Variants in ROR1 observed in about 807,000 individuals in gnomAD.
ROR1 encodes inactive tyrosine-protein kinase transmembrane receptor ROR1.
A neutral mutation model predicts 78.8 loss-of-function variants in ROR1; 19 were observed. The observed-to-expected ratio is 0.24, with a 90% confidence interval of 0.17 to 0.35. ROR1 has a LOEUF of 0.35. Ranked by LOEUF, ROR1 falls within the 10% of genes least tolerant of loss-of-function variation. The pLI is 1.00. For missense variants in ROR1, 917 were observed against 1,177.8 expected, an observed-to-expected ratio of 0.78 and a Z score of 3.24; for synonymous variants, 386 against 433.6, an observed-to-expected ratio of 0.89 and a Z score of 1.36.
intron 1 of ROR1, among the ~76,000 whole-genome samples, chr1:63,971,686 T>G (rs1265729834): frequency 6.6e-6 from 1 of 152,202 alleles, no homozygotes; most frequent in African/African-American, 2.4e-5. Flanking sequence ...TTTAAAGCCC[T>G]TCATTGTCTA....
chr1:63,879,884 AT>A (rs1381920882), intron 1 of ROR1, among the ~76,000 whole-genome samples: 1 of 152,278 alleles, frequency 6.6e-6, no homozygotes, highest in East Asian at 1.9e-4. Flanking sequence ...GCTGAAATAG[AT>A]TTTTTTGTGT....
rs1397191679 is a variant in ROR1, at chr1:63,958,707, C to T, written c.92-50598C>T. ...CATATCTTTCTGCTACACCTATGTC[C>T]GTAGTATGTAGTTTTTACCCTTAGG... is the stretch of plus-strand genomic sequence containing the variant. On this transcript the variant is annotated intron_variant, in intron 1 of 8. Coordinates refer to ENST00000371079, the MANE Select transcript of ROR1 (RefSeq NM_005012.4). Among the ~76,000 whole-genome samples the T allele has an allele frequency of 3.9e-5, 6 of 152,082 alleles. No homozygotes were observed. The South Asian group carries it at 6.2e-4, about 16-fold the overall frequency.
chr1:63,797,511 A>G (rs1644768477), intron 1 of ROR1, among the ~76,000 whole-genome samples: 1 of 152,184 alleles, frequency 6.6e-6, no homozygotes, highest in Non-Finnish European at 1.5e-5. Context: ...CACAAACTCC[A>G]TTTACAGGTG....
intron 1 of ROR1, among the ~76,000 whole-genome samples, chr1:63,920,009 T>C (rs1027538301): frequency 6.6e-6 from 1 of 152,220 alleles, no homozygotes; most frequent in Non-Finnish European, 1.5e-5. Context: ...TCTCATGTTA[T>C]AGAAATGCAG....
At chr1:63,863,958 C>G (rs534171345) in intron 1 of ROR1, among the ~76,000 whole-genome samples, 1 of 152,154 alleles carries the variant, frequency 6.6e-6, no homozygotes, top group Non-Finnish European at 1.5e-5. Flanking sequence ...CTGATAGGAA[C>G]CTTTGTATTA....
At chr1:63,850,682 T>A (rs144059625) in intron 1 of ROR1, among the ~76,000 whole-genome samples, 1 of 152,200 alleles carries the variant, frequency 6.6e-6, no homozygotes, top group Non-Finnish European at 1.5e-5. Flanking sequence ...GTTCTAGCTA[T>A]ATTATAGGGC....
intron 4 of ROR1, among the ~76,000 whole-genome samples, chr1:64,132,541 T>G (rs1648950286): frequency 6.6e-6 from 1 of 151,850 alleles, no homozygotes; most frequent in Non-Finnish European, 1.5e-5. Context: ...AGGTGGATCA[T>G]CTGAGGTCAG....
chr1:64,029,966 C>G (rs907030467), intron 2 of ROR1, among the ~76,000 whole-genome samples: 1 of 152,084 alleles, frequency 6.6e-6, no homozygotes, highest in Non-Finnish European at 1.5e-5. Context: ...ATGTCATTTC[C>G]CATGAAGCCT....
chr1:64,104,637 G>A (rs182614087), intron 4 of ROR1, among the ~76,000 whole-genome samples: 86 of 152,160 alleles, frequency 5.7e-4, no homozygotes, highest in Non-Finnish European at 9.3e-4. Flanking sequence ...ATAGGCCCTG[G>A]TGTGTGCTGT....
intron 1 of ROR1, among the ~76,000 whole-genome samples, chr1:63,937,986 T>C (rs1645806759): frequency 6.6e-6 from 1 of 152,152 alleles, no homozygotes; most frequent in Admixed American, 6.5e-5. Flanking sequence ...TCCCTAGCCC[T>C]CCTTCCAAAT....
intron 2 of ROR1, among the ~76,000 whole-genome samples, chr1:64,047,719 A>G (rs1451018568): frequency 6.6e-6 from 1 of 152,222 alleles, no homozygotes; most frequent in Non-Finnish European, 1.5e-5. Context: ...ACATCTTAGG[A>G]ACATATGTGC....
chr1:64,178,755 A>G lies in ROR1; in HGVS notation c.2714A>G (p.Lys905Arg), dbSNP rs771611543. Residue 905 changes from lysine to arginine, a missense_variant, in exon 9 of 9, where the codon AAA (lysine) becomes AGA (arginine). Around this residue, in one of 3 missense-constraint regions of ROR1, gnomAD observed 835 missense variants for 1,069.8 expected, o/e 0.78. Coordinates refer to ENST00000371079, the MANE Select transcript of ROR1 (RefSeq NM_005012.4). The surrounding 1 kb of genome is among the most constrained non-coding windows in gnomAD (Gnocchi z 4.3). ...ATGGGTATCACCGTTTTTGGCAACA[A>G]ATCTCAAAAACCCTACAAAATTGAC... ...GGMGITVFGN[K>R]SQKPYKIDSK... 1.2e-6 allele frequency: 2 copies of G among 1,613,980 alleles called. No individual in the cohort carries two copies. Among genetic ancestry groups the G allele is most frequent in the Non-Finnish European group, 1.7e-6 (2 of 1,180,028 alleles).
At chr1:63,872,849 T>C (rs1463571754) in intron 1 of ROR1, among the ~76,000 whole-genome samples, 2 of 151,864 alleles carry the variant, frequency 1.3e-5, no homozygotes, top group South Asian at 2.1e-4. Context: ...TCATAGACTT[T>C]GTTAGTCACA....
intron 7 of ROR1, among the ~76,000 whole-genome samples, chr1:64,145,028 C>T (rs1649437479): frequency 6.6e-6 from 1 of 151,970 alleles, no homozygotes; most frequent in Non-Finnish European, 1.5e-5. Flanking sequence ...ACTGAAAAAC[C>T]CTATGATGTC....
intron 8 of ROR1, 36 bp downstream of exon 8, chr1:64,159,228 G>A: frequency 6.6e-7 from 1 of 1,508,536 alleles, no homozygotes; most frequent in Non-Finnish European, 9.2e-7. Context: ...TTTGTTCCGT[G>A]GGCTTCAAGT....
At chr1:63,952,436 ACATCAGAG>A (rs1645947913) in intron 1 of ROR1, among the ~76,000 whole-genome samples, 1 of 152,168 alleles carries the variant, frequency 6.6e-6, no homozygotes, top group African/African-American at 2.4e-5. Context: ...AGAGCATGGG[ACATCAGAG>A]GCCTCACAGC....
rs200292093 is a variant in ROR1, at chr1:64,121,059, C to CTTTTTTTTTTTTTTTT, written c.483-16286_483-16271dup. ...CCACACTCCAGTCAGGGAGATACCC[C>CTTTTTTTTTTTTTTTT]TTTTTTTTTTTTTTTTTTTTTTTTT... On this transcript the variant is annotated intron_variant, in intron 4 of 8. Coordinates refer to ENST00000371079, the MANE Select transcript of ROR1 (RefSeq NM_005012.4). 4.9e-5 allele frequency among the ~76,000 whole-genome samples: 4 copies of CTTTTTTTTTTTTTTTT among 82,026 alleles called. 1 individual carries two copies. The highest frequency in any genetic ancestry group is 2.6e-4 in the African/African-American group (4 of 15,528). The allele number at this position is 82,026 out of a possible 152,430, so 53.8% of individuals were successfully genotyped here. A position where few individuals can be genotyped will look rare whatever the true frequency, so the allele number is the denominator to read the frequency against.
chr1:64,160,100 C>T (rs545522361), intron 8 of ROR1, among the ~76,000 whole-genome samples: 25 of 152,132 alleles, frequency 1.6e-4, no homozygotes, highest in African/African-American at 5.1e-4. Context: ...AACATTCATT[C>T]ATTCAACAAA....
At chr1:63,843,591 T>C (rs1415307172) in intron 1 of ROR1, 1 of 699,218 alleles carries the variant, frequency 1.4e-6, no homozygotes, top group Non-Finnish European at 2.6e-6. Context: ...CACCACCTTC[T>C]TGAGCTTCTT....
Sources: gnomAD v4.1 joint callset for allele counts (sites outside exome capture counted in the v4.1 genomes callset) on GRCh38, gnomAD v4.1.1 for gene constraint, gnomAD v4.1.1 regional missense constraint, Gnocchi (gnomAD v3.1) non-coding constraint, MANE v1.5 for transcripts, NCBI Gene and HGNC (gene_info 2026-07-23, HGNC 2026-07-21) for gene names.